CSGALNACT1: variants seen among roughly 807,000 people sequenced by gnomAD.
CSGALNACT1 encodes the protein chondroitin sulfate N-acetylgalactosaminyltransferase 1.
In CSGALNACT1, 52 loss-of-function variants were observed where a neutral mutation model predicts 51.0. The observed-to-expected ratio is 1.02, with a 90% CI of 0.82 to 1.29. The LOEUF (loss-of-function observed/expected upper bound fraction) is 1.29, where lower values mean the gene tolerates loss of function less well. CSGALNACT1 is among the 50% of genes most tolerant of loss of function. CSGALNACT1 has a pLI of 0.00. For missense variants in CSGALNACT1, 935 were observed against 679.2 expected (o/e 1.38, Z -4.19); for synonymous variants, 341 against 254.4 (o/e 1.34, Z -3.24).
intron 4 of CSGALNACT1, among the ~76,000 whole-genome samples, chr8:19,462,171 C>T (rs2065703863): frequency 1.3e-5 from 2 of 152,242 alleles, no homozygotes; most frequent in African/African-American, 4.8e-5. Context: ...GAGCCATATT[C>T]GCCACAGAGG....
At chr8:19,696,237 A>G (rs1056395183) in intron 1 of CSGALNACT1, among the ~76,000 whole-genome samples, 5 of 152,230 alleles carry the variant, frequency 3.3e-5, no homozygotes, top group Non-Finnish European at 5.9e-5. Context: ...TCTGTCCCCA[A>G]TCCAACTTAC....
intron 3 of CSGALNACT1, among the ~76,000 whole-genome samples, chr8:19,543,136 T>A (rs2085629635): frequency 6.6e-6 from 1 of 152,206 alleles, no homozygotes; most frequent in Admixed American, 6.5e-5. Flanking sequence ...CAAAACTAGA[T>A]GTATATTATA....
chr8:19,677,199 T>C (rs1003412327), intron 1 of CSGALNACT1, among the ~76,000 whole-genome samples: 1 of 152,096 alleles, frequency 6.6e-6, no homozygotes, highest in African/African-American at 2.4e-5. Flanking sequence ...GCCTTGAGTT[T>C]TTGGGCTCAA....
intron 3 of CSGALNACT1, among the ~76,000 whole-genome samples, chr8:19,528,109 G>A (rs375129395): frequency 6.6e-6 from 1 of 152,106 alleles, no homozygotes; most frequent in Non-Finnish European, 1.5e-5. Flanking sequence ...CTGAGGCTCT[G>A]CCTGAGTAGG....
intron 1 of CSGALNACT1, among the ~76,000 whole-genome samples, chr8:19,662,126 G>A (rs2058816721): frequency 8.3e-6 from 1 of 120,460 alleles, no homozygotes; most frequent in Non-Finnish European, 1.6e-5. Flanking sequence ...TTGAAATCCA[G>A]CAACTGAGGC....
chr8:19,489,081 G>A (rs1267296914), intron 4 of CSGALNACT1, among the ~76,000 whole-genome samples: 1 of 152,124 alleles, frequency 6.6e-6, no homozygotes, highest in Non-Finnish European at 1.5e-5. Context: ...GGGAGACCAG[G>A]GCACCTAAGA....
At chr8:19,755,104 G>A (rs2065272565) in intron 1 of CSGALNACT1, among the ~76,000 whole-genome samples, 3 of 152,148 alleles carry the variant, frequency 2.0e-5, no homozygotes, top group Admixed American at 1.3e-4. Flanking sequence ...TGTTAGACAT[G>A]GAGGAAAGAG....
rs548589614 is a variant in CSGALNACT1, at chr8:19,505,566, C to G, written c.269G>C (p.Ser90Thr). Residue 90 changes from serine (S) to threonine (T), a missense_variant, in exon 4 of 10, where the codon AGT becomes ACT. Transcript: ENST00000454498. ...GTACTGCCCATTCCTGAGCTGCTCA[C>G]TCCTCTCCTGCAGCTCCTCCTTGAG... 2.5e-5 allele frequency: 40 copies of G among 1,614,016 alleles called. 1 individual carries two copies. In the African/African-American group the frequency reaches 4.4e-4, roughly 18 times the overall value.
intron 4 of CSGALNACT1, among the ~76,000 whole-genome samples, chr8:19,463,281 T>C (rs911480279): frequency 6.6e-6 from 1 of 152,186 alleles, no homozygotes; most frequent in African/African-American, 2.4e-5. Flanking sequence ...CAATTTCATC[T>C]CTTTTAAAAA....
chr8:19,534,563 C>T (rs1464049740), intron 3 of CSGALNACT1, among the ~76,000 whole-genome samples: 1 of 152,044 alleles, frequency 6.6e-6, no homozygotes, highest in Non-Finnish European at 1.5e-5. Context: ...GTGGGGAAAA[C>T]ACACCAATCA....
Position 19,703,232 on chromosome 8 carries a change from C to T in CSGALNACT1, c.-297+54618G>A, listed in dbSNP as rs151322916. Among the ~76,000 whole-genome samples, 376 of 152,226 alleles carry T rather than the reference C, an allele frequency of 2.5e-3. 2 individuals are homozygous for T. Among genetic ancestry groups the T allele is most frequent in the African/African-American group, 8.8e-3 (364 of 41,544 alleles). On this transcript the variant is annotated intron_variant, in intron 1 of 1. Transcript: ENST00000517494. Reference sequence around the variant, plus strand: ...GCCCTTGTTCAGAAGGAGCCATTGACGTGGCATGTGACTTGGGATTTGAGC... The same window carrying T: ...GCCCTTGTTCAGAAGGAGCCATTGATGTGGCATGTGACTTGGGATTTGAGC...
At chr8:19,622,976 T>C (rs963631216) in intron 1 of CSGALNACT1, among the ~76,000 whole-genome samples, 1 of 152,186 alleles carries the variant, frequency 6.6e-6, no homozygotes. Context: ...GACGGGTTGA[T>C]AGGTACTGCA....
intron 3 of CSGALNACT1, among the ~76,000 whole-genome samples, chr8:19,560,640 C>A: frequency 6.6e-6 from 1 of 152,146 alleles, no homozygotes; most frequent in East Asian, 1.9e-4. Flanking sequence ...TACGAGCAAA[C>A]AGAGAAAAGC....
intron 3 of CSGALNACT1, among the ~76,000 whole-genome samples, chr8:19,529,216 A>C (rs1215310880): frequency 2.0e-5 from 3 of 152,202 alleles, no homozygotes; most frequent in Non-Finnish European, 4.4e-5. Context: ...GAGTGAATTA[A>C]AGACAGAGTG....
At chr8:19,615,591 T>G (rs899816669) in intron 1 of CSGALNACT1, among the ~76,000 whole-genome samples, 4 of 152,136 alleles carry the variant, frequency 2.6e-5, no homozygotes, top group African/African-American at 9.7e-5. Flanking sequence ...ACATTTAAAG[T>G]AGAAAAATTT....
chr8:19,554,137 A>T (rs28639862), intron 3 of CSGALNACT1, among the ~76,000 whole-genome samples: 2 of 151,812 alleles, frequency 1.3e-5, no homozygotes, highest in African/African-American at 4.8e-5. Context: ...AACATAATAC[A>T]GGGAAATTTC....
At chr8:19,438,531 G>C (rs893434009) in intron 6 of CSGALNACT1, among the ~76,000 whole-genome samples, 2 of 152,166 alleles carry the variant, frequency 1.3e-5, no homozygotes, top group Non-Finnish European at 2.9e-5. Flanking sequence ...AGTTGTTGCT[G>C]GTTTTAAACT....
At chr8:19,649,644 C>T (rs1279847042) in intron 1 of CSGALNACT1, among the ~76,000 whole-genome samples, 1 of 151,496 alleles carries the variant, frequency 6.6e-6, no homozygotes, top group African/African-American at 2.4e-5. Flanking sequence ...CCAAAATAAT[C>T]AAAGGGGAAT....
intron 8 of CSGALNACT1, among the ~76,000 whole-genome samples, chr8:19,417,983 C>T (rs891028129): frequency 6.6e-6 from 1 of 152,194 alleles, no homozygotes; most frequent in Non-Finnish European, 1.5e-5. Flanking sequence ...AGACATCTCA[C>T]CCTACAGGGA....
Sources: allele counts gnomAD v4.1 joint callset (sites outside exome capture counted in the v4.1 genomes callset), GRCh38; gene constraint gnomAD v4.1.1; transcripts MANE v1.5; gene names NCBI Gene and HGNC (gene_info 2026-07-23, HGNC 2026-07-21).